Variants in COL9A2 observed in about 807,000 individuals in gnomAD.
COL9A2 encodes collagen alpha-2(IX) chain.
A neutral mutation model predicts 111.6 loss-of-function variants in COL9A2; 66 were observed. The ratio of observed to expected loss-of-function variants is 0.59; its 90% CI spans 0.48 to 0.73. The LOEUF (loss-of-function observed/expected upper bound fraction) is 0.73, where lower values mean the gene tolerates loss of function less well. Among genes scored for constraint, COL9A2 ranks in the 30% least tolerant of loss-of-function variants. The pLI is 0.00. For missense variants in COL9A2, 881 were observed against 954.1 expected (o/e 0.92, Z 1.01); for synonymous variants, 353 against 364.1 (o/e 0.97, Z 0.35).
Position 40,312,212 on chromosome 1 carries a change from CTTTTTT to C in COL9A2, c.364-106_364-101del, listed in dbSNP as rs34036643. 4.3e-6 allele frequency: 4 copies of C among 926,880 alleles called. No homozygotes were observed. The highest frequency in any genetic ancestry group is 5.1e-5 in the Admixed American group (2 of 38,888). The allele number at this position is 926,880 out of a possible 1,614,324, so 57.4% of individuals were successfully genotyped here. ...CCCAAAGCCCGTTTCTCCACTTTTA[CTTTTTT>C]TTTTTTTTTGCCAACCCCAGAGAGA... On this transcript the variant is annotated intron_variant, in intron 7 of 31. Transcript: ENST00000372748. This position sits in a 1 kb window ranked among gnomAD's most constrained non-coding sequence, Gnocchi z 6.0.
In COL9A2 at chr1:40,307,374, G is replaced by A. The variant is rs1219912862; in HGVS notation, c.1008+72C>T. 14 of 1,429,586 alleles carry A rather than the reference G, an allele frequency of 9.8e-6. No individual in the cohort carries two copies. The highest frequency in any genetic ancestry group is 2.4e-5 in the South Asian group (2 of 83,364). 88.6% of individuals were successfully genotyped at this position (1,429,586 alleles called of 1,614,324 possible). On this transcript the variant is annotated intron_variant, in intron 19 of 31. Transcript: ENST00000372748. This position sits in a 1 kb window ranked among gnomAD's most constrained non-coding sequence, Gnocchi z 4.8. ...GAGGTGGTGATTGAGCAAGAGCCCC[G>A]GGTGTGTGTGGATTCTAACCTCATC...
At position 40,303,428 on chromosome 1, in the gene COL9A2, A is replaced by AC; in HGVS notation, c.1548+101_1548+102insG. ...CTGGGGCTTGGAACCAGTCTCGGGG[A>AC]AGTCGGTGAGTCTCTGGGAATCCCT... On this transcript the variant is annotated intron_variant, in intron 28 of 31. Transcript: ENST00000372748. This position sits in a 1 kb window ranked among gnomAD's most constrained non-coding sequence, Gnocchi z 4.6. The AC allele has an allele frequency of 2.7e-6, 4 of 1,501,264 alleles. No individual in the cohort carries two copies. The highest frequency in any genetic ancestry group is 3.6e-6 in the Non-Finnish European group (4 of 1,099,852). 93.0% of individuals were successfully genotyped at this position (1,501,264 alleles called of 1,614,324 possible). A position where few individuals can be genotyped will look rare whatever the true frequency, so the allele number is the denominator to read the frequency against.
chr1:40,301,325 GGGACCC>G lies in COL9A2; in HGVS notation c.1921_1926del (p.Gly641_Ser642del). On this transcript the variant is annotated inframe_deletion, in exon 32 of 32. Transcript: ENST00000372748. The stretch of plus-strand genomic sequence containing the variant: ...CGACCTGCCTCTCCTGGAGCCCCTG[GGGACCC>G]TCGATCTCCATCCTTGCCGTTGATT... The G allele has an allele frequency of 6.2e-7, 1 of 1,611,736 alleles. No homozygotes were observed. Among genetic ancestry groups the G allele is most frequent in the Non-Finnish European group, 8.5e-7 (1 of 1,178,428 alleles).
chr1:40,316,996 G>A lies in COL9A2; in HGVS notation c.75+127C>T, dbSNP rs1644229704. 6.5e-6 allele frequency: 6 copies of A among 923,358 alleles called. No individual in the cohort carries two copies. The highest frequency in any genetic ancestry group is 1.0e-5 in the Non-Finnish European group (6 of 576,204). The allele number at this position is 923,358 out of a possible 1,614,324, so 57.2% of individuals were successfully genotyped here. A position where few individuals can be genotyped will look rare whatever the true frequency, so the allele number is the denominator to read the frequency against. ...CACCCACCGAGGGGACCTGCCCGCGGCGCTGTCCTCAGGTGGCCTCTCGGG... is the reference window on the plus strand; with the variant it reads ...CACCCACCGAGGGGACCTGCCCGCGACGCTGTCCTCAGGTGGCCTCTCGGG... On this transcript the variant is annotated intron_variant, in intron 1 of 31. Transcript: ENST00000372748. The surrounding 1 kb of genome is among the most constrained non-coding windows in gnomAD (Gnocchi z 5.5).
rs1013772339 is a variant in COL9A2, at chr1:40,314,877, A to C, written c.151-490T>G. 1.3e-5 allele frequency among the ~76,000 whole-genome samples: 2 copies of C among 152,168 alleles called. No homozygotes were observed. Among genetic ancestry groups the C allele is most frequent in the Non-Finnish European group, 2.9e-5 (2 of 68,018 alleles). On this transcript the variant is annotated intron_variant, in intron 2 of 31. Coordinates refer to ENST00000372748, the MANE Select transcript of COL9A2 (RefSeq NM_001852.4). This position sits in a 1 kb window ranked among gnomAD's most constrained non-coding sequence, Gnocchi z 4.1. The stretch of plus-strand genomic sequence containing the variant: ...TGCAAGGGGGAAATTCAGTGTTCCC[A>C]AGGAGGGAAGGACCTCCTTCCAGTG...
chr1:40,306,668 C>CCTGTTGAGA (rs1644035044), intron 19 of COL9A2, among the ~76,000 whole-genome samples: 1 of 151,944 alleles, frequency 6.6e-6, no homozygotes, highest in Non-Finnish European at 1.5e-5. Context: ...AAAGCCAAGG[C>CCTGTTGAGA]CTGTTGAGAA....
At chr1:40,308,492 A>C (rs893525287) in intron 16 of COL9A2, among the ~76,000 whole-genome samples, 10 of 152,242 alleles carry the variant, frequency 6.6e-5, no homozygotes, top group African/African-American at 1.9e-4. Flanking sequence ...GGGAGCCAGA[A>C]TCCACTGAGA....
Position 40,303,847 on chromosome 1 carries a change from C to A in COL9A2, c.1369-8G>T. 6.4e-7 allele frequency: 1 copy of A among 1,555,618 alleles called. No individual in the cohort carries two copies. The highest frequency in any genetic ancestry group is 8.7e-7 in the Non-Finnish European group (1 of 1,150,426). ...CGGCTCGCCGGACTCGCCCTGCAGGCACAAGGAGCAGCGGTCACGAAGCCG... is the reference window on the plus strand; with the variant it reads ...CGGCTCGCCGGACTCGCCCTGCAGGAACAAGGAGCAGCGGTCACGAAGCCG... On this transcript the variant is annotated splice_polypyrimidine_tract_variant and splice_region_variant and intron_variant, in intron 26 of 31. Coordinates refer to ENST00000372748, the MANE Select transcript of COL9A2 (RefSeq NM_001852.4). This position sits in a 1 kb window ranked among gnomAD's most constrained non-coding sequence, Gnocchi z 4.6.
In COL9A2 at chr1:40,301,371, G is replaced by C. The variant is rs372363712; in HGVS notation, c.1881C>G (p.Gly627=). The change falls in exon 32 of 32, where the codon GGC becomes GGG. Residue 627 remains glycine, a synonymous_variant. Coordinates refer to ENST00000372748, the MANE Select transcript of COL9A2 (RefSeq NM_001852.4). ...TGCCGTTGATTGCCTGGCCAGGCCG[G>C]CCAGGGAGTCCTGTGAACAGGAGAA... is the stretch of plus-strand genomic sequence containing the variant. ...PGPPGIPGLP[G]RPGQAINGKD... is the part of the protein sequence containing the mutation. The C allele has an allele frequency of 6.2e-7, 1 of 1,608,334 alleles. No individual in the cohort carries two copies. The highest frequency in any genetic ancestry group is 1.3e-5 in the African/African-American group (1 of 74,708).
Position 40,317,256 on chromosome 1 carries a change from T to C in COL9A2, c.-59A>G. ...GTCCGCGCACGCACCGACGGCAGAG[T>C]CTCCCGGCGCTCCTCCAGCGCTGGC... On this transcript the variant is annotated 5_prime_UTR_variant, in exon 1 of 32. Coordinates refer to ENST00000372748, the MANE Select transcript of COL9A2 (RefSeq NM_001852.4). This position sits in a 1 kb window ranked among gnomAD's most constrained non-coding sequence, Gnocchi z 4.3. The C allele has an allele frequency of 8.4e-7, 1 of 1,194,380 alleles. No homozygotes were observed. Among genetic ancestry groups the C allele is most frequent in the Non-Finnish European group, 1.1e-6 (1 of 873,636 alleles). 74.0% of individuals were successfully genotyped at this position (1,194,380 alleles called of 1,614,324 possible). A position where few individuals can be genotyped will look rare whatever the true frequency, so the allele number is the denominator to read the frequency against.
In COL9A2 at chr1:40,314,223, G is replaced by T. The variant is rs372936826; in HGVS notation, c.231C>A (p.Asp77Glu). The T allele has an allele frequency of 5.0e-6, 8 of 1,614,054 alleles. No individual in the cohort carries two copies. The highest frequency in any genetic ancestry group is 1.6e-4 in the Middle Eastern group (1 of 6,082). Residue 77 changes from aspartate (D) to glutamate (E), a missense_variant, in exon 4 of 32, where the codon GAC becomes GAA. By Grantham distance (45) the Asp-to-Glu change is conservative (BLOSUM62 2). Coordinates refer to ENST00000372748, the MANE Select transcript of COL9A2 (RefSeq NM_001852.4). This position sits in a 1 kb window ranked among gnomAD's most constrained non-coding sequence, Gnocchi z 4.1. Reference protein sequence around the residue: ...EPGKAGPDGPDGKPGIDGLTG... With the variant: ...EPGKAGPDGPEGKPGIDGLTG... ...TACTCACATCAATCCCGGGCTTCCC[G>T]TCTGGCCCATCTGGCCCAGCTTTGC...
intron 21 of COL9A2, 129 bp from the exon 22 acceptor site, chr1:40,304,976 G>A (rs1644001348): frequency 1.4e-6 from 1 of 692,154 alleles, no homozygotes; most frequent in Non-Finnish European, 2.4e-6. Context: ...CAGACCACCT[G>A]TTCCATGGTT....
chr1:40,303,049 T>C lies in COL9A2; in HGVS notation c.1603+82A>G. On this transcript the variant is annotated intron_variant, in intron 29 of 31. Coordinates refer to ENST00000372748, the MANE Select transcript of COL9A2 (RefSeq NM_001852.4). The surrounding 1 kb of genome is among the most constrained non-coding windows in gnomAD (Gnocchi z 4.6). ...CCAGGACTCCAGATTTTCAGACAAG[T>C]GAACACGTGGAGGCTCCGGGAGGGG... 7.0e-7 allele frequency: 1 copy of C among 1,438,132 alleles called. No homozygotes were observed. Among genetic ancestry groups the C allele is most frequent in the Non-Finnish European group, 9.6e-7 (1 of 1,042,180 alleles). 89.1% of individuals were successfully genotyped at this position (1,438,132 alleles called of 1,614,324 possible). A position where few individuals can be genotyped will look rare whatever the true frequency, so the allele number is the denominator to read the frequency against.
chr1:40,305,800 G>A (rs1156708250), intron 20 of COL9A2, 32 bp from the exon 21 acceptor site: 1 of 1,610,538 alleles, frequency 6.2e-7, no homozygotes, highest in African/African-American at 1.3e-5. Flanking sequence ...GTCAGTCTGG[G>A]TGGCCCAGTC....
At position 40,316,692 on chromosome 1, in the gene COL9A2, T is replaced by G. The variant is rs1405921985; in HGVS notation, c.75+431A>C. On this transcript the variant is annotated intron_variant, in intron 1 of 31. Coordinates refer to ENST00000372748, the MANE Select transcript of COL9A2 (RefSeq NM_001852.4). The surrounding 1 kb of genome is among the most constrained non-coding windows in gnomAD (Gnocchi z 5.5). ...CCCGGCGGCCCTCGGAAGGGAGACGTGGGTAGGCGGGCAGGGCCGAGAGGC... is the reference window on the plus strand; with the variant it reads ...CCCGGCGGCCCTCGGAAGGGAGACGGGGGTAGGCGGGCAGGGCCGAGAGGC... 1 of 428,392 alleles carries G rather than the reference T, an allele frequency of 2.3e-6. No individual in the cohort carries two copies. The highest frequency in any genetic ancestry group is 4.6e-6 in the Non-Finnish European group (1 of 216,514). The allele number at this position is 428,392 out of a possible 1,614,324, so 26.5% of individuals were successfully genotyped here. A position where few individuals can be genotyped will look rare whatever the true frequency, so the allele number is the denominator to read the frequency against.
chr1:40,306,029 A>G (rs968104045), intron 20 of COL9A2, 114 bp downstream of exon 20: 4 of 1,272,544 alleles, frequency 3.1e-6, no homozygotes, highest in East Asian at 4.7e-5. Flanking sequence ...GGTTAGGCCC[A>G]AGGGGCTTAT....
chr1:40,307,508 G>C lies in COL9A2; in HGVS notation c.955-9C>G. ...GCCTGTCCTGCACTGCCCTGGGATA[G>C]ACAGATAACCAAAGATACAAATTAA... On this transcript the variant is annotated splice_polypyrimidine_tract_variant and intron_variant, in intron 18 of 31. Coordinates refer to ENST00000372748, the MANE Select transcript of COL9A2 (RefSeq NM_001852.4). The surrounding 1 kb of genome is among the most constrained non-coding windows in gnomAD (Gnocchi z 4.8). 6.2e-7 allele frequency: 1 copy of C among 1,614,140 alleles called. No individual in the cohort carries two copies. Among genetic ancestry groups the C allele is most frequent in the Admixed American group, 1.7e-5 (1 of 60,020 alleles).
In COL9A2 at chr1:40,303,461, G is replaced by C; in HGVS notation, c.1548+69C>G. On this transcript the variant is annotated intron_variant, in intron 28 of 31. Coordinates refer to ENST00000372748, the MANE Select transcript of COL9A2 (RefSeq NM_001852.4). This position sits in a 1 kb window ranked among gnomAD's most constrained non-coding sequence, Gnocchi z 4.6. ...GAGTCTCTGGGAATCCCTAGCCTTT[G>C]GCGGGTAAGCCGCACCCCAGAACAG... The C allele has an allele frequency of 6.3e-7, 1 of 1,593,140 alleles. No homozygotes were observed. Among genetic ancestry groups the C allele is most frequent in the Non-Finnish European group, 8.6e-7 (1 of 1,166,966 alleles).
Position 40,310,904 on chromosome 1 carries a change from G to T in COL9A2, c.631-137C>A. The T allele has an allele frequency of 9.4e-7, 1 of 1,060,492 alleles. No individual in the cohort carries two copies. The highest frequency in any genetic ancestry group is 1.4e-6 in the Non-Finnish European group (1 of 700,984). The allele number at this position is 1,060,492 out of a possible 1,614,324, so 65.7% of individuals were successfully genotyped here. ...ACGAACCCTACAGTCCTGTGTTACA[G>T]ATAGAGAAAAGCCAAGCAAGGAGAC... On this transcript the variant is annotated intron_variant, in intron 12 of 31. Transcript: ENST00000372748. The surrounding 1 kb of genome is among the most constrained non-coding windows in gnomAD (Gnocchi z 4.9).
Sources: allele counts gnomAD v4.1 joint callset (sites outside exome capture counted in the v4.1 genomes callset), GRCh38; gene constraint gnomAD v4.1.1; non-coding constraint Gnocchi (gnomAD v3.1); transcripts MANE v1.5; gene names NCBI Gene and HGNC (gene_info 2026-07-23, HGNC 2026-07-21).